The following C7orf57 variants were observed in gnomAD, a reference collection of about 807,000 sequenced individuals.
The protein encoded by C7orf57 is uncharacterized protein C7orf57.
C7orf57 carries 33 observed loss-of-function variants against 39.0 expected under a neutral mutation model. The observed-to-expected ratio is 0.85, with a 90% CI of 0.64 to 1.13. The LOEUF (loss-of-function observed/expected upper bound fraction) is 1.13. Among genes scored for constraint, C7orf57 ranks in the 50% most tolerant of loss-of-function variants. The pLI, the probability that C7orf57 is intolerant of heterozygous loss-of-function variation, is 0.00. For synonymous variants in C7orf57, 124 were observed against 137.1 expected (o/e 0.90, Z 0.67); for missense variants, 346 against 362.3 (o/e 0.95, Z 0.37).
intron 6 of C7orf57, among the ~76,000 whole-genome samples, chr7:48,050,886 A>G (rs149792365): frequency 2.7e-3 from 412 of 151,520 alleles, no homozygotes; most frequent in African/African-American, 9.3e-3. Context: ...CCAGGCTGGT[A>G]TCAAACTCCT....
chr7:48,035,691 CTG>C lies in C7orf57; in HGVS notation c.-102+64_-102+65del. 3.3e-6 allele frequency: 2 copies of C among 598,474 alleles called. No homozygotes were observed. Among genetic ancestry groups the C allele is most frequent in the Non-Finnish European group, 6.0e-6 (2 of 336,076 alleles). 37.1% of individuals were successfully genotyped at this position (598,474 alleles called of 1,614,324 possible). On this transcript the variant is annotated intron_variant, in intron 1 of 8. Coordinates refer to ENST00000348904, the MANE Select transcript of C7orf57 (RefSeq NM_001100159.3). This position sits in a 1 kb window ranked among gnomAD's most constrained non-coding sequence, Gnocchi z 4.0. ...CCACTGTGGTCCCGGGCCTTGTCCA[CTG>C]TGCGGAGCTCGCAGTGCGGGCAGTG...
At position 48,054,864 on chromosome 7, in the gene C7orf57, G is replaced by T. The variant is rs560653051; in HGVS notation, c.841+258G>T. On this transcript the variant is annotated intron_variant, in intron 8 of 8. Coordinates refer to ENST00000348904, the MANE Select transcript of C7orf57 (RefSeq NM_001100159.3). ...GGATGAAGATGATGATGATGATGAT[G>T]ATGATTATTATTATTATTATTATTT... Among the ~76,000 whole-genome samples the T allele has an allele frequency of 2.3e-3, 348 of 151,756 alleles. 5 individuals carry two copies. Among genetic ancestry groups the T allele is most frequent in the East Asian group, 0.018 (93 of 5,144 alleles).
intron 2 of C7orf57, 91 bp from the exon 3 acceptor site, chr7:48,041,243 G>A: frequency 8.4e-7 from 1 of 1,194,624 alleles, no homozygotes; most frequent in Non-Finnish European, 1.2e-6. Context: ...CCCACCTGAT[G>A]GTGTTGTCTG....
chr7:48,055,440 A>G (rs906335690), intron 8 of C7orf57, among the ~76,000 whole-genome samples: 5 of 152,194 alleles, frequency 3.3e-5, no homozygotes, highest in African/African-American at 1.2e-4. Context: ...CCATTACCTC[A>G]AATACTTACC....
At chr7:48,038,622 C>T (rs1429331256) in intron 2 of C7orf57, among the ~76,000 whole-genome samples, 3 of 152,014 alleles carry the variant, frequency 2.0e-5, no homozygotes, top group Non-Finnish European at 2.9e-5. Flanking sequence ...AATTAACTGC[C>T]CACAAAAAGA....
chr7:48,048,437 C>T (rs1321381188), intron 5 of C7orf57, among the ~76,000 whole-genome samples: 1 of 152,146 alleles, frequency 6.6e-6, no homozygotes, highest in Non-Finnish European at 1.5e-5. Context: ...TCATGGGGGT[C>T]TTGCTCACCT....
chr7:48,040,414 C>T (rs573660514), intron 2 of C7orf57, among the ~76,000 whole-genome samples: 1 of 152,346 alleles, frequency 6.6e-6, no homozygotes, highest in East Asian at 1.9e-4. Context: ...AAGGGAGCCA[C>T]ACCCAGTCAC....
At chr7:48,057,923 A>G (rs1459419015) in intron 8 of C7orf57, among the ~76,000 whole-genome samples, 1 of 152,136 alleles carries the variant, frequency 6.6e-6, no homozygotes, top group Non-Finnish European at 1.5e-5. Context: ...ATCACATTCT[A>G]TTAATGTAGT....
Position 48,043,466 on chromosome 7 carries a change from A to G in C7orf57, c.242-15A>G. On this transcript the variant is annotated splice_polypyrimidine_tract_variant and intron_variant, in intron 3 of 8. Coordinates refer to ENST00000348904, the MANE Select transcript of C7orf57 (RefSeq NM_001100159.3). ...CGGCGGGGTGTCTCACAGCCATGTC[A>G]TTTTCTCTTTTGAGATTTGTTGAAG... 6.2e-7 allele frequency: 1 copy of G among 1,606,934 alleles called. No homozygotes were observed. Among genetic ancestry groups the G allele is most frequent in the Non-Finnish European group, 8.5e-7 (1 of 1,174,544 alleles).
intron 4 of C7orf57, among the ~76,000 whole-genome samples, chr7:48,046,217 A>G (rs1790707282): frequency 6.6e-6 from 1 of 151,294 alleles, no homozygotes; most frequent in South Asian, 2.1e-4. Context: ...AAGAGAAGAG[A>G]ATAAGGGAGG....
chr7:48,060,249 T>A lies in C7orf57; in HGVS notation c.865T>A (p.Ser289Thr), dbSNP rs2128800900. 6.5e-7 allele frequency: 1 copy of A among 1,540,278 alleles called. No homozygotes were observed. Among genetic ancestry groups the A allele is most frequent in the East Asian group, 2.4e-5 (1 of 41,260 alleles). ...SQSPEESVSA[S>T]TPAELK ...AGGCCCAGAAGAATCTGTATCTGCATCAACACCAGCAGAGCTCAAATAAAT... is the reference window on the plus strand; with the variant it reads ...AGGCCCAGAAGAATCTGTATCTGCAACAACACCAGCAGAGCTCAAATAAAT... The change falls in exon 9 of 9, where the codon TCA becomes ACA. Residue 289 changes from serine to threonine, a missense_variant. By Grantham distance (58) the Ser-to-Thr change is moderately conservative (BLOSUM62 1). Coordinates refer to ENST00000348904, the MANE Select transcript of C7orf57 (RefSeq NM_001100159.3).
intron 2 of C7orf57, among the ~76,000 whole-genome samples, chr7:48,038,039 TG>T (rs1263916639): frequency 6.6e-6 from 1 of 152,236 alleles, no homozygotes; most frequent in Non-Finnish European, 1.5e-5. Context: ...GATCGGAGTA[TG>T]AAGCTGCTAA....
At chr7:48,054,907 C>T (rs568575415) in intron 8 of C7orf57, among the ~76,000 whole-genome samples, 413 of 151,862 alleles carry the variant, frequency 2.7e-3, no homozygotes, top group African/African-American at 9.4e-3. Context: ...GATGGAGTCT[C>T]GCTCTGTCGC....
chr7:48,048,863 C>T (rs1261799685), intron 5 of C7orf57, among the ~76,000 whole-genome samples: 2 of 152,094 alleles, frequency 1.3e-5, no homozygotes, highest in Admixed American at 1.3e-4. Context: ...TAAAAAAAAC[C>T]GCCTAAATCC....
At chr7:48,038,383 T>TATATATAGATAGATAG (rs148010398) in intron 2 of C7orf57, among the ~76,000 whole-genome samples, 49 of 150,242 alleles carry the variant, frequency 3.3e-4, no homozygotes, top group African/African-American at 8.6e-4. Flanking sequence ...TCTATATACA[T>TATATATAGATAGATAG]ATAGATAGAT....
At chr7:48,051,659 CCTTTCTTCCTTT>C (rs1294558256) in intron 6 of C7orf57, among the ~76,000 whole-genome samples, 5 of 142,720 alleles carry the variant, frequency 3.5e-5, no homozygotes, top group South Asian at 2.3e-4. Context: ...TTCCTCCCTT[CCTTTCTTCCTTT>C]CTTCCTTCCT....
At chr7:48,053,180 G>T in intron 7 of C7orf57, 5 of 590,198 alleles carry the variant, frequency 8.5e-6, no homozygotes, top group South Asian at 8.1e-5. Context: ...CAAAAATTTT[G>T]ATAGTCCATT....
intron 2 of C7orf57, among the ~76,000 whole-genome samples, chr7:48,039,476 G>A (rs865782072): frequency 2.6e-4 from 39 of 152,074 alleles, no homozygotes; most frequent in African/African-American, 8.9e-4. Context: ...TCTTGGCTGA[G>A]TGGGGGGATT....
At chr7:48,044,047 G>A (rs1197410982) in intron 4 of C7orf57, among the ~76,000 whole-genome samples, 2 of 152,150 alleles carry the variant, frequency 1.3e-5, no homozygotes, top group Non-Finnish European at 2.9e-5. Flanking sequence ...TCACGGAAGA[G>A]AACCGTGGAA....
Sources: allele counts gnomAD v4.1 joint callset (sites outside exome capture counted in the v4.1 genomes callset), GRCh38; gene constraint gnomAD v4.1.1; non-coding constraint Gnocchi (gnomAD v3.1); transcripts MANE v1.5; gene names NCBI Gene and HGNC (gene_info 2026-07-23, HGNC 2026-07-21).